The following BAHCC1 variants were observed in gnomAD, a reference collection of about 807,000 sequenced individuals.
BAHCC1 encodes BAH domain and coiled-coil containing 1, also known as BAH and coiled-coil domain-containing protein 1.
Under a neutral mutation model 88.2 loss-of-function variants are expected in BAHCC1, and 43 were observed. That is an observed-to-expected ratio of 0.49 (90% CI 0.38 to 0.63). The LOEUF (loss-of-function observed/expected upper bound fraction) is 0.63, where lower values mean the gene tolerates loss of function less well. BAHCC1 is among the 20% of genes least tolerant of loss of function. The pLI is 0.00. For synonymous variants in BAHCC1, 1,510 were observed against 745.5 expected, an observed-to-expected ratio of 2.03 and a Z score of -16.71; for missense variants, 3,023 against 1,654.8, an observed-to-expected ratio of 1.83 and a Z score of -14.34.
Position 81,445,098 on chromosome 17 carries a change from C to A in BAHCC1, c.2755C>A (p.Leu919Ile), listed in dbSNP as rs368437493. Residue 919 changes from leucine (L) to isoleucine (I), a missense_variant, in exon 9 of 28, where the codon CTC (leucine) becomes ATC (isoleucine). Coordinates refer to ENST00000675386, the MANE Select transcript of BAHCC1 (RefSeq NM_001377448.1). ...PASHMQHPGQLPVYSRPQLLR... is the reference protein window; with the variant it reads ...PASHMQHPGQIPVYSRPQLLR... The stretch of plus-strand genomic sequence containing the variant: ...CTCTCACATGCAGCACCCGGGCCAG[C>A]TCCCTGTGTACTCGAGGCCGCAGCT... The A allele has an allele frequency of 2.6e-6, 2 of 772,074 alleles. No homozygotes were observed. Among genetic ancestry groups the A allele is most frequent in the Non-Finnish European group, 4.8e-6 (2 of 415,210 alleles). The allele number at this position is 772,074 out of a possible 1,614,324, so 47.8% of individuals were successfully genotyped here.
Position 81,461,366 on chromosome 17 carries a change from C to A in BAHCC1, c.6703C>A (p.Pro2235Thr). Residue 2235 changes from proline to threonine, a missense_variant, in exon 26 of 28, where the codon CCC becomes ACC. Pro to Thr is a conservative substitution (Grantham distance 38). Transcript: ENST00000675386. ...GCTCATGGGGGACAAGGACTTCAGC[C>A]CCAAGCTCGGGCGGCCCCTGCCCAG... ...ALLMGDKDFS[P>T]KLGRPLPSPS... 1 of 725,266 alleles carries A rather than the reference C, an allele frequency of 1.4e-6. No individual in the cohort carries two copies. The highest frequency in any genetic ancestry group is 1.5e-5 in the South Asian group (1 of 66,646). 44.9% of individuals were successfully genotyped at this position (725,266 alleles called of 1,614,324 possible).
In BAHCC1 at chr17:81,460,613, G is replaced by A. The variant is rs1555658894; in HGVS notation, c.6109G>A (p.Glu2037Lys). The A allele has an allele frequency of 7.8e-6, 6 of 770,698 alleles. No homozygotes were observed. Among genetic ancestry groups the A allele is most frequent in the Middle Eastern group, 2.2e-4 (1 of 4,446 alleles). 47.7% of individuals were successfully genotyped at this position (770,698 alleles called of 1,614,324 possible). Residue 2037 changes from glutamate (E) to lysine (K), a missense_variant, in exon 25 of 28, where the codon GAA (glutamate) becomes AAA (lysine). Transcript: ENST00000675386. Reference protein sequence around the residue: ...KVSSEAPPPSEAATPSLSPKA... With the variant: ...KVSSEAPPPSKAATPSLSPKA... ...ATCCAGTGAGGCACCCCCGCCTAGT[G>A]AAGCCGCCACCCCCAGCCTGTCCCC...
Position 81,464,149 on chromosome 17 carries a change from G to A in BAHCC1, c.*332G>A, listed in dbSNP as rs781827461. Reference sequence around the variant, plus strand: ...CCAAGCCATATTCCCTAGTACCTCCGACTGTCTCCCACCAGGGAAAGCAGA... The same window carrying A: ...CCAAGCCATATTCCCTAGTACCTCCAACTGTCTCCCACCAGGGAAAGCAGA... On this transcript the variant is annotated 3_prime_UTR_variant, in exon 28 of 28. Transcript: ENST00000675386. 2.5e-5 allele frequency: 10 copies of A among 402,904 alleles called. No homozygotes were observed. The highest frequency in any genetic ancestry group is 4.4e-5 in the East Asian group (1 of 22,664). 25.0% of individuals were successfully genotyped at this position (402,904 alleles called of 1,614,324 possible).
rs782445451 is a variant in BAHCC1 at position 81,443,944 on chromosome 17, G to A, written c.2324+27G>A. The A allele has an allele frequency of 1.3e-5, 9 of 706,270 alleles. No homozygotes were observed. In the South Asian group the frequency reaches 1.3e-4, roughly 10 times the overall value. 43.8% of individuals were successfully genotyped at this position (706,270 alleles called of 1,614,324 possible). On this transcript the variant is annotated intron_variant, in intron 6 of 27. Transcript: ENST00000675386. ...TGAGAGCTGGGCCTGTGGCCCTGGA[G>A]AGTGGGGCTAGGCCTGGGCTTGGGG...
intron 2 of BAHCC1, chr17:81,421,999 C>A: frequency 2.8e-6 from 1 of 355,768 alleles, no homozygotes; most frequent in Non-Finnish European, 5.5e-6. Context: ...TCGGGTGACT[C>A]CGCTTCCTCT....
chr17:81,462,642 ACACT>A (rs2030404378), intron 26 of BAHCC1, 94 bp from the exon 27 acceptor site: 2 of 658,136 alleles, frequency 3.0e-6, no homozygotes, highest in Admixed American at 2.4e-5. Flanking sequence ...ACTCAGACTC[ACACT>A]CACACCCACA....
At chr17:81,415,103 G>A (rs544720040) in intron 2 of BAHCC1, among the ~76,000 whole-genome samples, 78 of 152,346 alleles carry the variant, frequency 5.1e-4, no homozygotes, top group Admixed American at 7.2e-4. Flanking sequence ...GATGCTGCGC[G>A]GGGGGCTGGG....
At chr17:81,395,677 A>G (rs1555644778) in intron 1 of BAHCC1, 42 bp downstream of exon 1, 1 of 150,006 alleles carries the variant, frequency 6.7e-6, no homozygotes, top group Non-Finnish European at 1.5e-5. Flanking sequence ...TTGTTTTTGT[A>G]TTTTTATTAT....
Position 81,443,416 on chromosome 17 carries a change from C to G in BAHCC1, c.2067C>G (p.His689Gln), listed in dbSNP as rs377427998. Residue 689 changes from histidine to glutamine, a missense_variant, in exon 5 of 28, where the codon CAC becomes CAG. His to Gln is a conservative substitution (Grantham distance 24). Transcript: ENST00000675386. ...CGGACTGTGCCCGCAGCAGGGAGCA[C>G]GACACCACGCACGGCGACGGGGAGG... ...ERPDCARSRE[H>Q]DTTHGDGEVR... 17 of 768,168 alleles carry G rather than the reference C, an allele frequency of 2.2e-5. No individual in the cohort carries two copies. The highest frequency in any genetic ancestry group is 4.1e-5 in the Non-Finnish European group (17 of 412,712). 47.6% of individuals were successfully genotyped at this position (768,168 alleles called of 1,614,324 possible). A position where few individuals can be genotyped will look rare whatever the true frequency, so the allele number is the denominator to read the frequency against.
At position 81,465,732 on chromosome 17, in the gene BAHCC1, G is replaced by C. The variant is rs1374594093; in HGVS notation, c.*1915G>C. On this transcript the variant is annotated 3_prime_UTR_variant, in exon 28 of 28. Transcript: ENST00000675386. ...ACCTGCTGGCTGGACCCCCTGAAGG[G>C]CCGTTCCCAGAGGCTCCCCAGGAGG... 1 of 152,318 alleles carries C rather than the reference G, an allele frequency of 6.6e-6. No individual in the cohort carries two copies. The highest frequency in any genetic ancestry group is 1.5e-5 in the Non-Finnish European group (1 of 68,080). 9.4% of individuals were successfully genotyped at this position (152,318 alleles called of 1,614,324 possible).
Position 81,399,151 on chromosome 17 carries a change from G to A in BAHCC1, c.-206-383G>A. 1 of 388,720 alleles carries A rather than the reference G, an allele frequency of 2.6e-6. No homozygotes were observed. The allele number at this position is 388,720 out of a possible 1,614,324, so 24.1% of individuals were successfully genotyped here. ...TGAGTGTGTGTGTGTGTGTGTGTGT[G>A]TGCGAGTGTGCGTGATGGCTTCGCA... On this transcript the variant is annotated intron_variant, in intron 1 of 27. Transcript: ENST00000675386. This position sits in a 1 kb window ranked among gnomAD's most constrained non-coding sequence, Gnocchi z 4.5.
intron 3 of BAHCC1, among the ~76,000 whole-genome samples, chr17:81,430,689 G>A (rs2064250129): frequency 6.6e-6 from 1 of 152,144 alleles, no homozygotes; most frequent in Non-Finnish European, 1.5e-5. Context: ...CAGAGGTACT[G>A]GGGCCCCAGC....
In BAHCC1 at chr17:81,398,933, TA is replaced by T. The variant is rs551129478; in HGVS notation, c.-206-587del. Among the ~76,000 whole-genome samples the T allele has an allele frequency of 7.2e-3, 982 of 136,100 alleles. 8 individuals are homozygous for T. The highest frequency in any genetic ancestry group is 0.021 in the African/African-American group (763 of 37,038). 89.3% of individuals were successfully genotyped at this position (136,100 alleles called of 152,430 possible). A position where few individuals can be genotyped will look rare whatever the true frequency, so the allele number is the denominator to read the frequency against. On this transcript the variant is annotated intron_variant, in intron 1 of 27. Transcript: ENST00000675386. Reference sequence around the variant, plus strand: ...GGAGTGGGGAGAAAAGGAAGGTTATTAAAAAAAAAAAAAACTCTTGAGTTAC... The same window carrying T: ...GGAGTGGGGAGAAAAGGAAGGTTATTAAAAAAAAAAAAACTCTTGAGTTAC...
rs1272166672 is a variant in BAHCC1, at chr17:81,458,241, C to T, written c.5118C>T (p.Thr1706=). 14 of 738,976 alleles carry T rather than the reference C, an allele frequency of 1.9e-5. No homozygotes were observed. The highest frequency in any genetic ancestry group is 3.5e-5 in the Non-Finnish European group (14 of 397,988). The allele number at this position is 738,976 out of a possible 1,614,324, so 45.8% of individuals were successfully genotyped here. The change falls in exon 18 of 28, where the codon ACC becomes ACT. Residue 1706 remains threonine, a synonymous_variant. Coordinates refer to ENST00000675386, the MANE Select transcript of BAHCC1 (RefSeq NM_001377448.1). Reference sequence around the variant, plus strand: ...CGGTGAAGGCCAAGGTGGGCACCACCCTGGAGCGGGCCCCAGGGCAGAGGC... The same window carrying T: ...CGGTGAAGGCCAAGGTGGGCACCACTCTGGAGCGGGCCCCAGGGCAGAGGC... ...RRSVKAKVGT[T]LERAPGQRPP... is the part of the protein sequence containing the mutation.
intron 2 of BAHCC1, chr17:81,402,869 T>G (rs2063834343): frequency 2.6e-5 from 4 of 152,250 alleles, no homozygotes; most frequent in African/African-American, 9.6e-5. Flanking sequence ...CCATTGTTTT[T>G]CTAAAAATGA....
intron 16 of BAHCC1, 91 bp from the exon 17 acceptor site, chr17:81,457,319 C>G: frequency 1.5e-6 from 1 of 673,870 alleles, no homozygotes; most frequent in South Asian, 1.6e-5. Flanking sequence ...CACAGCCCCG[C>G]CATAACCGCA....
chr17:81,429,045 C>G (rs2064231593), intron 3 of BAHCC1, among the ~76,000 whole-genome samples: 1 of 152,322 alleles, frequency 6.6e-6, no homozygotes, highest in Admixed American at 6.5e-5. Flanking sequence ...TGTGTCACAC[C>G]GAGGAGGTTC....
intron 3 of BAHCC1, among the ~76,000 whole-genome samples, chr17:81,432,180 C>T (rs1185306397): frequency 6.6e-6 from 1 of 152,178 alleles, no homozygotes; most frequent in East Asian, 1.9e-4. Flanking sequence ...CTGCTGGGGC[C>T]AGTGGCCTTG....
At chr17:81,431,963 T>C (rs1001672864) in intron 3 of BAHCC1, among the ~76,000 whole-genome samples, 1 of 152,292 alleles carries the variant, frequency 6.6e-6, no homozygotes, top group East Asian at 1.9e-4. Flanking sequence ...AGGGCAGGAC[T>C]GTGGCAGATG....
Sources: allele counts gnomAD v4.1 joint callset (sites outside exome capture counted in the v4.1 genomes callset), GRCh38; gene constraint gnomAD v4.1.1; non-coding constraint Gnocchi (gnomAD v3.1); transcripts MANE v1.5; gene names NCBI Gene and HGNC (gene_info 2026-07-23, HGNC 2026-07-21).